ASAP1: variants seen among roughly 807,000 people sequenced by gnomAD.
ASAP1 encodes the protein ArfGAP with SH3 domain, ankyrin repeat and PH domain 1.
A neutral mutation model predicts 145.2 loss-of-function variants in ASAP1; 43 were observed. That is an observed-to-expected ratio of 0.30 (90% CI 0.23 to 0.38). The LOEUF is 0.38. ASAP1 is among the 10% of genes least tolerant of loss of function. The pLI is 1.00. For synonymous variants in ASAP1, 546 were observed against 515.5 expected (o/e 1.06, Z -0.80); for missense variants, 1,018 against 1,355.3 (o/e 0.75, Z 3.91).
At position 130,054,216 on chromosome 8, in the gene ASAP1, AC is replaced by A. The variant is rs2097398748; in HGVS notation, c.*514del. The A allele has an allele frequency of 1.9e-5, 3 of 154,314 alleles. No individual in the cohort carries two copies. The highest frequency in any genetic ancestry group is 7.2e-5 in the African/African-American group (3 of 41,484). The allele number at this position is 154,314 out of a possible 1,614,324, so 9.6% of individuals were successfully genotyped here. ...AACTGAGCACTTTTCTGTAATAAAT[AC>A]CAAAGTAGGTTTTTGTAGCTGTAAA... On this transcript the variant is annotated 3_prime_UTR_variant, in exon 30 of 30. Coordinates refer to ENST00000518721, the MANE Select transcript of ASAP1 (RefSeq NM_018482.4).
At chr8:130,166,335 A>G (rs1366409900) in intron 11 of ASAP1, among the ~76,000 whole-genome samples, 1 of 152,200 alleles carries the variant, frequency 6.6e-6, no homozygotes, top group African/African-American at 2.4e-5. Context: ...TAACAAAAAC[A>G]GGCACGTTTT....
intron 3 of ASAP1, among the ~76,000 whole-genome samples, chr8:130,306,410 G>A (rs1822995751): frequency 6.6e-6 from 1 of 152,090 alleles, no homozygotes; most frequent in South Asian, 2.1e-4. Flanking sequence ...TCCCCACACT[G>A]ACAACCCCTT....
chr8:130,372,751 G>C (rs1259580399), intron 2 of ASAP1, among the ~76,000 whole-genome samples: 1 of 152,138 alleles, frequency 6.6e-6, no homozygotes, highest in Non-Finnish European at 1.5e-5. Flanking sequence ...CAAAAATTCT[G>C]GTTTTATTTT....
chr8:130,197,657 C>T (rs1272789457), intron 5 of ASAP1, among the ~76,000 whole-genome samples: 1 of 152,196 alleles, frequency 6.6e-6, no homozygotes, highest in East Asian at 1.9e-4. Context: ...GGGCAAGTGC[C>T]CTGATAGCAG....
intron 1 of ASAP1, among the ~76,000 whole-genome samples, chr8:130,412,108 G>C (rs768825280): frequency 4.6e-5 from 7 of 152,204 alleles, no homozygotes; most frequent in Non-Finnish European, 8.8e-5. Flanking sequence ...GAGAGGTACA[G>C]CTAGGAATGT....
At chr8:130,274,206 A>G (rs980945502) in intron 3 of ASAP1, among the ~76,000 whole-genome samples, 2 of 152,218 alleles carry the variant, frequency 1.3e-5, no homozygotes, top group Non-Finnish European at 2.9e-5. Flanking sequence ...TCAAAATGAC[A>G]GCAAGCCTTG....
intron 10 of ASAP1, among the ~76,000 whole-genome samples, chr8:130,167,996 T>C (rs1192569880): frequency 6.6e-6 from 1 of 152,196 alleles, no homozygotes; most frequent in African/African-American, 2.4e-5. Context: ...ACCAGGAGTC[T>C]AATGGGCCAA....
intron 13 of ASAP1, among the ~76,000 whole-genome samples, chr8:130,144,459 ATAAAAGGCAAAGC>A (rs546535137): frequency 3.3e-5 from 5 of 152,264 alleles, no homozygotes; most frequent in Non-Finnish European, 7.3e-5. Context: ...TTTACAAAAA[ATAAAAGGCAAAGC>A]TGAATTCTGA....
rs553189387 is a variant in ASAP1 at position 130,073,840 on chromosome 8, T to C, written c.2701+2508A>G. Among the ~76,000 whole-genome samples, 33 of 152,328 alleles carry C rather than the reference T, an allele frequency of 2.2e-4. No individual in the cohort carries two copies. The South Asian group carries it at 6.8e-3, about 32-fold the overall frequency. On this transcript the variant is annotated intron_variant, in intron 27 of 29. Coordinates refer to ENST00000518721, the MANE Select transcript of ASAP1 (RefSeq NM_018482.4). ...TCGTGATAGAACACACTACCACCTA[T>C]GAAGTGGTTTTGCCAAAGCCTCAAT...
In ASAP1 at chr8:130,439,129, C is replaced by T. The variant is rs147149141; in HGVS notation, c.-28+4331G>A. 7.2e-5 allele frequency among the ~76,000 whole-genome samples: 11 copies of T among 152,268 alleles called. No individual in the cohort carries two copies. In the East Asian group the frequency reaches 1.7e-3, roughly 24 times the overall value. On this transcript the variant is annotated intron_variant, in intron 1 of 29. Coordinates refer to ENST00000518721, the MANE Select transcript of ASAP1 (RefSeq NM_018482.4). ...GGAAGAAGATGCCAGAAGGGAGAATCAGAGAGATGGAAGCTTGAGAAGGAT... is the reference window on the plus strand; with the variant it reads ...GGAAGAAGATGCCAGAAGGGAGAATTAGAGAGATGGAAGCTTGAGAAGGAT...
chr8:130,072,548 T>G (rs1040272756), intron 27 of ASAP1, among the ~76,000 whole-genome samples: 2 of 127,268 alleles, frequency 1.6e-5, no homozygotes, highest in Non-Finnish European at 3.6e-5. Context: ...AATTACCCAG[T>G]CTCAGGTATG....
intron 1 of ASAP1, among the ~76,000 whole-genome samples, chr8:130,437,091 C>G (rs944728144): frequency 1.6e-5 from 2 of 121,568 alleles, no homozygotes; most frequent in African/African-American, 3.3e-5. Flanking sequence ...GGCGACAGAG[C>G]AAGATTTCAT....
At chr8:130,242,856 C>T (rs1248641588) in intron 3 of ASAP1, among the ~76,000 whole-genome samples, 1 of 152,114 alleles carries the variant, frequency 6.6e-6, no homozygotes, top group Non-Finnish European at 1.5e-5. Context: ...AGGCAAACCA[C>T]GCAAATGTGT....
At chr8:130,158,739 T>C (rs1179799910) in intron 12 of ASAP1, among the ~76,000 whole-genome samples, 4 of 151,924 alleles carry the variant, frequency 2.6e-5, no homozygotes, top group African/African-American at 9.7e-5. Flanking sequence ...ATCATATGCT[T>C]TATGATTTTT....
Position 130,053,657 on chromosome 8 carries a change from T to C in ASAP1, c.*1074A>G, listed in dbSNP as rs916683137. 4 of 152,226 alleles carry C rather than the reference T, an allele frequency of 2.6e-5. No individual in the cohort carries two copies. The highest frequency in any genetic ancestry group is 9.6e-5 in the African/African-American group (4 of 41,462). 9.4% of individuals were successfully genotyped at this position (152,226 alleles called of 1,614,324 possible). A position where few individuals can be genotyped will look rare whatever the true frequency, so the allele number is the denominator to read the frequency against. On this transcript the variant is annotated 3_prime_UTR_variant, in exon 30 of 30. Coordinates refer to ENST00000518721, the MANE Select transcript of ASAP1 (RefSeq NM_018482.4). ...TGTGAAGGGTTGACTTTTAAATTCA[T>C]CTTGAATAATCTTTTAAAAGTTTAA...
intron 2 of ASAP1, among the ~76,000 whole-genome samples, chr8:130,378,634 T>C (rs1043404178): frequency 5.3e-5 from 8 of 152,202 alleles, no homozygotes; most frequent in African/African-American, 9.7e-5. Flanking sequence ...AATTTGGTTG[T>C]TGCTTTAAAA....
chr8:130,283,765 T>C (rs1005189254), intron 3 of ASAP1, among the ~76,000 whole-genome samples: 1 of 152,114 alleles, frequency 6.6e-6, no homozygotes, highest in Non-Finnish European at 1.5e-5. Context: ...ATAGGATGCC[T>C]TAAAACCAGG....
chr8:130,420,280 A>G lies in ASAP1; in HGVS notation c.-27-18310T>C, dbSNP rs920652287. ...CACACACACACACACACACACACAC[A>G]ATAGCAATAACAAGTCTTGGCGAGG... On this transcript the variant is annotated intron_variant, in intron 1 of 29. Coordinates refer to ENST00000518721, the MANE Select transcript of ASAP1 (RefSeq NM_018482.4). Among the ~76,000 whole-genome samples the G allele has an allele frequency of 2.1e-5, 3 of 142,818 alleles. 1 individual carries two copies. Among genetic ancestry groups the G allele is most frequent in the Admixed American group, 1.4e-4 (2 of 14,208 alleles). 93.7% of individuals were successfully genotyped at this position (142,818 alleles called of 152,430 possible).
chr8:130,258,293 G>C (rs536685491), intron 3 of ASAP1, among the ~76,000 whole-genome samples: 1 of 152,314 alleles, frequency 6.6e-6, no homozygotes, highest in East Asian at 1.9e-4. Flanking sequence ...ACGTGACCCA[G>C]GATGGTTTGT....
Sources: allele counts gnomAD v4.1 joint callset (sites outside exome capture counted in the v4.1 genomes callset), GRCh38; gene constraint gnomAD v4.1.1; transcripts MANE v1.5; gene names NCBI Gene and HGNC (gene_info 2026-07-23, HGNC 2026-07-21).